The following ZNF280A variants were observed in gnomAD, a reference collection of about 807,000 sequenced individuals.
ZNF280A encodes the protein zinc finger protein 280A, also known as suppressor of hairy wing homolog 1.
In ZNF280A, 26 loss-of-function variants were observed where a neutral mutation model predicts 35.9. The observed-to-expected ratio is 0.72, with a 90% CI of 0.53 to 1.01. ZNF280A has a LOEUF of 1.01. Ranked by LOEUF, ZNF280A falls within the 50% of genes least tolerant of loss-of-function variation. The pLI is 0.00. For synonymous variants in ZNF280A, 231 were observed against 232.9 expected (o/e 0.99, Z 0.07); for missense variants, 654 against 652.0 (o/e 1.00, Z -0.03).
chr22:22,519,868 A>C (rs2062120073), intron 1 of ZNF280A, among the ~76,000 whole-genome samples: 1 of 151,988 alleles, frequency 6.6e-6, no homozygotes, highest in South Asian at 2.1e-4. Context: ...TGGCGACTTA[A>C]AATTTATGTA....
Position 22,514,323 on chromosome 22 carries a change from T to G in ZNF280A, c.1308A>C (p.Ile436=). The G allele has an allele frequency of 6.2e-7, 1 of 1,613,964 alleles. No homozygotes were observed. Among genetic ancestry groups the G allele is most frequent in the Non-Finnish European group, 8.5e-7 (1 of 1,179,990 alleles). ...LFCLKLFKTA[I]PYMNHCWRHS... ...GCCTCCAACAATGATTCATGTATGGTATTGCAGTTTTGAAAAGTTTGAGAC... is the reference window on the plus strand; with the variant it reads ...GCCTCCAACAATGATTCATGTATGGGATTGCAGTTTTGAAAAGTTTGAGAC... The change falls in exon 2 of 2, where the codon ATA becomes ATC. Residue 436 remains isoleucine, a synonymous_variant. Coordinates refer to ENST00000302097, the MANE Select transcript of ZNF280A (RefSeq NM_080740.5).
intron 1 of ZNF280A, among the ~76,000 whole-genome samples, chr22:22,516,290 A>ACACACAC (rs2062069588): frequency 1.5e-5 from 1 of 67,006 alleles, no homozygotes; most frequent in East Asian, 4.7e-4. Context: ...CACACACACA[A>ACACACAC]ATCACAGCAC....
At chr22:22,516,195 C>T (rs945215416) in intron 1 of ZNF280A, among the ~76,000 whole-genome samples, 2 of 151,716 alleles carry the variant, frequency 1.3e-5, no homozygotes, top group Non-Finnish European at 2.9e-5. Flanking sequence ...CCAAGAGGAA[C>T]ACTTGAGCCC....
chr22:22,515,840 A>G, intron 1 of ZNF280A, 139 bp from the exon 2 acceptor site: 1 of 799,624 alleles, frequency 1.3e-6, no homozygotes. Context: ...GAAACATTTT[A>G]AATGGCATAA....
intron 1 of ZNF280A, among the ~76,000 whole-genome samples, 171 bp from the exon 2 acceptor site, chr22:22,515,872 C>G (rs926271350): frequency 6.6e-6 from 1 of 151,872 alleles, no homozygotes; most frequent in Non-Finnish European, 1.5e-5. Flanking sequence ...TTACCTGTCT[C>G]TCCTCCCCTG....
chr22:22,515,481 C>T lies in ZNF280A; in HGVS notation c.150G>A (p.Gly50=), dbSNP rs370039987. The part of the protein sequence containing the change: ...VHRDAEVLFV[G]MISNSKPVVS... ...CGACTGGTTTTGAATTTGAAATCAT[C>T]CCGACAAAGAGAACTTCAGCATCTC... Residue 50 remains glycine, a synonymous_variant, in exon 2 of 2, where the codon GGG becomes GGA. Transcript: ENST00000302097. The T allele has an allele frequency of 7.7e-5, 124 of 1,613,698 alleles. No homozygotes were observed. The highest frequency in any genetic ancestry group is 9.9e-5 in the Non-Finnish European group (117 of 1,179,986).
At position 22,514,224 on chromosome 22, in the gene ZNF280A, G is replaced by A; in HGVS notation, c.1407C>T (p.His469=). The A allele has an allele frequency of 1.2e-6, 2 of 1,613,690 alleles. No homozygotes were observed. The highest frequency in any genetic ancestry group is 1.1e-5 in the South Asian group (1 of 91,036). The change falls in exon 2 of 2, where the codon CAC becomes CAT. Residue 469 remains histidine (H), a synonymous_variant. Coordinates refer to ENST00000302097, the MANE Select transcript of ZNF280A (RefSeq NM_080740.5). ...TAAATGTTTGATGGTCCTTGGTTTT[G>A]TGCTCTATTTCCTCCTTCAACGTCA... ...QFLTLKEEIE[H]KTKDHQTFKK...
Position 22,514,757 on chromosome 22 carries a change from G to T in ZNF280A, c.874C>A (p.Gln292Lys), listed in dbSNP as rs1388999525. Residue 292 changes from glutamine (Q) to lysine (K), a missense_variant, in exon 2 of 2, where the codon CAG (glutamine) becomes AAG (lysine). Transcript: ENST00000302097. ...CATTTAAAGGTGGTGTGAGTCTTCT[G>T]TTCCGGCTGCCCATCTCCTTTATGC... The part of the protein sequence containing the change: ...GQHKGDGQPE[Q>K]KTHTTFKCLS... 1 of 1,613,908 alleles carries T rather than the reference G, an allele frequency of 6.2e-7. No homozygotes were observed. Among genetic ancestry groups the T allele is most frequent in the Non-Finnish European group, 8.5e-7 (1 of 1,179,968 alleles).
Position 22,515,717 on chromosome 22 carries a change from T to A in ZNF280A, c.-71-16A>T. The A allele has an allele frequency of 2.7e-6, 4 of 1,506,764 alleles. 1 individual carries two copies. The South Asian group carries it at 5.6e-5, about 21-fold the overall frequency. The allele number at this position is 1,506,764 out of a possible 1,614,324, so 93.3% of individuals were successfully genotyped here. A position where few individuals can be genotyped will look rare whatever the true frequency, so the allele number is the denominator to read the frequency against. ...AAATTGCCACCTAAGTGCAACCATGTGACAATAGTCAATATTTATTTCGAA... is the reference window on the plus strand; with the variant it reads ...AAATTGCCACCTAAGTGCAACCATGAGACAATAGTCAATATTTATTTCGAA... On this transcript the variant is annotated splice_polypyrimidine_tract_variant and intron_variant, in intron 1 of 1. Coordinates refer to ENST00000302097, the MANE Select transcript of ZNF280A (RefSeq NM_080740.5).
At chr22:22,516,336 G>A (rs1225485198) in intron 1 of ZNF280A, among the ~76,000 whole-genome samples, 1 of 141,854 alleles carries the variant, frequency 7.0e-6, no homozygotes, top group African/African-American at 2.6e-5. Flanking sequence ...TTCCTGTAAT[G>A]TTCCTTTTCT....
chr22:22,515,091 C>T lies in ZNF280A; in HGVS notation c.540G>A (p.Arg180=). The part of the protein sequence containing the change: ...TSDINSRDSK[R]VKLRDGIPGV... ...CTGGGATTCCATCCCTGAGTTTAAC[C>T]CTTTTGGAATCTCTGCTGTTTATAT... The change falls in exon 2 of 2, where the codon AGG becomes AGA. Residue 180 remains arginine (R), a synonymous_variant. Transcript: ENST00000302097. 1.2e-6 allele frequency: 2 copies of T among 1,613,866 alleles called. No individual in the cohort carries two copies. Among genetic ancestry groups the T allele is most frequent in the Non-Finnish European group, 1.7e-6 (2 of 1,179,978 alleles).
chr22:22,514,888 G>T lies in ZNF280A; in HGVS notation c.743C>A (p.Ser248Tyr). 6.2e-7 allele frequency: 1 copy of T among 1,613,754 alleles called. No homozygotes were observed. ...NLTDPERASE[S>Y]ALAMTDISSL... Reference sequence around the variant, plus strand: ...TGAAATGTCTGTCATTGCCAGGGCAGACTCACTTGCTCTCTCTGGATCTGT... The same window carrying T: ...TGAAATGTCTGTCATTGCCAGGGCATACTCACTTGCTCTCTCTGGATCTGT... The change falls in exon 2 of 2, where the codon TCT becomes TAT. Residue 248 changes from serine (S) to tyrosine (Y), a missense_variant. Transcript: ENST00000302097.
chr22:22,515,715 T>C lies in ZNF280A; in HGVS notation c.-71-14A>G, dbSNP rs2062061676. 2.7e-6 allele frequency: 4 copies of C among 1,508,264 alleles called. No homozygotes were observed. Among genetic ancestry groups the C allele is most frequent in the Middle Eastern group, 1.8e-4 (1 of 5,458 alleles). 93.4% of individuals were successfully genotyped at this position (1,508,264 alleles called of 1,614,324 possible). ...ACAAATTGCCACCTAAGTGCAACCA[T>C]GTGACAATAGTCAATATTTATTTCG... On this transcript the variant is annotated splice_polypyrimidine_tract_variant and intron_variant, in intron 1 of 1. Transcript: ENST00000302097.
rs1171542011 is a variant in ZNF280A, at chr22:22,514,612, T to A, written c.1019A>T (p.His340Leu). 15 of 1,613,944 alleles carry A rather than the reference T, an allele frequency of 9.3e-6. No individual in the cohort carries two copies. The highest frequency in any genetic ancestry group is 1.3e-5 in the Non-Finnish European group (15 of 1,179,986). The change falls in exon 2 of 2, where the codon CAC (histidine) becomes CTC (leucine). Residue 340 changes from histidine to leucine, a missense_variant. Transcript: ENST00000302097. ...CTGGAAGGGAGTGGGAAACTGCCGGTGGCAGTGCTGGCAGGTGGTGTGGTC... is the reference window on the plus strand; with the variant it reads ...CTGGAAGGGAGTGGGAAACTGCCGGAGGCAGTGCTGGCAGGTGGTGTGGTC... ...WEDHTTCQHC[H>L]RQFPTPFQLQ... is the part of the protein sequence containing the mutation.
intron 1 of ZNF280A, among the ~76,000 whole-genome samples, chr22:22,516,296 A>AACAC (rs1555948002): frequency 0.017 from 2,600 of 149,372 alleles, 82 homozygotes; most frequent in African/African-American, 0.06. Flanking sequence ...CACAAATCAC[A>AACAC]GCACACACAC....
rs752056591 is a variant in ZNF280A at position 22,514,232 on chromosome 22, T to C, written c.1399A>G (p.Ile467Val). 3.7e-6 allele frequency: 6 copies of C among 1,613,840 alleles called. No homozygotes were observed. Among genetic ancestry groups the C allele is most frequent in the Non-Finnish European group, 5.1e-6 (6 of 1,179,970 alleles). ...RLQFLTLKEE[I>V]EHKTKDHQTF... ...TGATGGTCCTTGGTTTTGTGCTCTA[T>C]TTCCTCCTTCAACGTCAAAAACTGT... Residue 467 changes from isoleucine to valine, a missense_variant, in exon 2 of 2, where the codon ATA becomes GTA. Physicochemically the swap from Ile to Val is conservative, Grantham distance 29. Coordinates refer to ENST00000302097, the MANE Select transcript of ZNF280A (RefSeq NM_080740.5).
intron 1 of ZNF280A, among the ~76,000 whole-genome samples, chr22:22,517,925 CT>C (rs1335980616): frequency 0.015 from 1,870 of 127,804 alleles, 15 homozygotes; most frequent in East Asian, 0.058. Flanking sequence ...TTGATGGCAT[CT>C]TTTTTTTTTT....
At chr22:22,517,590 G>C (rs2062087008) in intron 1 of ZNF280A, among the ~76,000 whole-genome samples, 1 of 151,882 alleles carries the variant, frequency 6.6e-6, no homozygotes. Context: ...CTTACCACAA[G>C]GGATAGGCTC....
Position 22,514,236 on chromosome 22 carries a change from C to A in ZNF280A, c.1395G>T (p.Glu465Asp). The change falls in exon 2 of 2, where the codon GAG becomes GAT. Residue 465 changes from glutamate to aspartate, a missense_variant. By Grantham distance (45) the Glu-to-Asp change is conservative (BLOSUM62 2). Transcript: ENST00000302097. ...GGTCCTTGGTTTTGTGCTCTATTTC[C>A]TCCTTCAACGTCAAAAACTGTAGCC... is the stretch of plus-strand genomic sequence containing the variant. ...KCRLQFLTLK[E>D]EIEHKTKDHQ... 1 of 1,613,766 alleles carries A rather than the reference C, an allele frequency of 6.2e-7. No homozygotes were observed. Among genetic ancestry groups the A allele is most frequent in the Non-Finnish European group, 8.5e-7 (1 of 1,179,960 alleles).
Sources: allele counts gnomAD v4.1 joint callset (sites outside exome capture counted in the v4.1 genomes callset), GRCh38; gene constraint gnomAD v4.1.1; transcripts MANE v1.5; gene names NCBI Gene and HGNC (gene_info 2026-07-23, HGNC 2026-07-21).